Variants in FRMD3 observed in about 807,000 individuals in gnomAD.
The protein encoded by FRMD3 is FERM domain-containing protein 3.
A neutral mutation model predicts 70.2 loss-of-function variants in FRMD3; 33 were observed. The observed-to-expected ratio is 0.47, with a 90% CI of 0.36 to 0.63. The LOEUF (loss-of-function observed/expected upper bound fraction) is 0.63, where lower values mean the gene tolerates loss of function less well. FRMD3 is among the 20% of genes least tolerant of loss of function. FRMD3 has a pLI of 0.00. For synonymous variants in FRMD3, 279 were observed against 255.9 expected, an observed-to-expected ratio of 1.09 and a Z score of -0.86; for missense variants, 632 against 711.4, an observed-to-expected ratio of 0.89 and a Z score of 1.27.
At chr9:83,553,508 A>T in the FRMD3 span, among the ~76,000 whole-genome samples, 1 of 152,212 alleles carries the variant, frequency 6.6e-6, no homozygotes, top group African/African-American at 2.4e-5. Context: ...TATGATTCAT[A>T]AATTTGGCCT....
intron 6 of FRMD3, among the ~76,000 whole-genome samples, chr9:83,331,621 C>T (rs560260992): frequency 6.6e-5 from 10 of 152,066 alleles, no homozygotes; most frequent in Admixed American, 5.2e-4. Flanking sequence ...GTAGGCTCAT[C>T]GGTTGTAATA....
intron 1 of FRMD3, among the ~76,000 whole-genome samples, chr9:83,519,990 T>C (rs141446658): frequency 0.013 from 1,930 of 152,018 alleles, 38 homozygotes; most frequent in African/African-American, 0.045. Context: ...CTGGGGCCTG[T>C]TGGGGGATGG....
chr9:83,405,062 G>A (rs543401884), intron 1 of FRMD3, among the ~76,000 whole-genome samples: 5 of 152,294 alleles, frequency 3.3e-5, no homozygotes, highest in Admixed American at 6.5e-5. Context: ...AGGAAGAGAC[G>A]ATGGGCTGAG....
intron 3 of FRMD3, among the ~76,000 whole-genome samples, chr9:83,371,675 C>A (rs1824978241): frequency 6.6e-6 from 1 of 152,190 alleles, no homozygotes; most frequent in Non-Finnish European, 1.5e-5. Flanking sequence ...TCTGCTCCAG[C>A]CCCACCCCAA....
At chr9:83,545,831 A>G in the FRMD3 span, among the ~76,000 whole-genome samples, 4 of 152,208 alleles carry the variant, frequency 2.6e-5, no homozygotes, top group African/African-American at 9.7e-5. Flanking sequence ...AGATTTACAC[A>G]TCCAGATACA....
intron 4 of FRMD3, among the ~76,000 whole-genome samples, 176 bp downstream of exon 4, chr9:83,349,503 T>TA (rs1034774547): frequency 3.9e-5 from 6 of 152,250 alleles, no homozygotes; most frequent in African/African-American, 1.4e-4. Context: ...ATTGTTTTTT[T>TA]AAAAAATCCC....
chr9:83,469,276 G>C (rs1343135356), intron 1 of FRMD3, among the ~76,000 whole-genome samples: 1 of 152,132 alleles, frequency 6.6e-6, no homozygotes, highest in Non-Finnish European at 1.5e-5. Flanking sequence ...CGCTGCTGAG[G>C]GTCTGCTATT....
chr9:83,243,321 A>C, downstream of FRMD3: 5 of 1,140,064 alleles, frequency 4.4e-6, no homozygotes, highest in Non-Finnish European at 6.4e-6. Context: ...CACCCTGTAG[A>C]GAGTGGCCCA....
intron 1 of FRMD3, chr9:83,467,602 G>A: frequency 6.9e-7 from 1 of 1,458,100 alleles, no homozygotes; most frequent in South Asian, 1.2e-5. Flanking sequence ...TTACATTTTA[G>A]CTGACTGACA....
chr9:83,338,429 T>G (rs1823649441), intron 5 of FRMD3, among the ~76,000 whole-genome samples: 1 of 152,220 alleles, frequency 6.6e-6, no homozygotes, highest in African/African-American at 2.4e-5. Context: ...GTTTTTTTTA[T>G]GACAGCATTA....
At chr9:83,477,260 C>T (rs532690633) in intron 1 of FRMD3, among the ~76,000 whole-genome samples, 1 of 152,278 alleles carries the variant, frequency 6.6e-6, no homozygotes, top group South Asian at 2.1e-4. Context: ...AAAGCCTTCC[C>T]CTGAATGAGT....
intron 4 of FRMD3, among the ~76,000 whole-genome samples, 199 bp downstream of exon 4, chr9:83,349,480 A>G (rs1824072740): frequency 6.6e-6 from 1 of 151,966 alleles, no homozygotes; most frequent in East Asian, 1.9e-4. Flanking sequence ...AGTTAATTAC[A>G]CTCTCAATGA....
intron 3 of FRMD3, among the ~76,000 whole-genome samples, chr9:83,369,937 C>T (rs1473729456): frequency 6.6e-6 from 1 of 152,128 alleles, no homozygotes; most frequent in Non-Finnish European, 1.5e-5. Context: ...TGAGAAAACA[C>T]AAACATGATT....
At chr9:83,311,720 G>A (rs1017952482) in intron 8 of FRMD3, among the ~76,000 whole-genome samples, 167 bp downstream of exon 8, 4 of 151,930 alleles carry the variant, frequency 2.6e-5, no homozygotes, top group African/African-American at 9.7e-5. Flanking sequence ...GCAAATCCAA[G>A]TCCCCACCAA....
chr9:83,393,779 T>G (rs1246764632), intron 1 of FRMD3, among the ~76,000 whole-genome samples: 2 of 152,184 alleles, frequency 1.3e-5, no homozygotes, highest in Admixed American at 1.3e-4. Flanking sequence ...GGGGAGCAGC[T>G]GTAAATACAG....
At chr9:83,548,404 G>A in the FRMD3 span, among the ~76,000 whole-genome samples, 1 of 152,136 alleles carries the variant, frequency 6.6e-6, no homozygotes, top group African/African-American at 2.4e-5. Context: ...TAAAAGAAAT[G>A]AGCTATCAAG....
chr9:83,340,819 C>T (rs1823730295), intron 5 of FRMD3, among the ~76,000 whole-genome samples: 1 of 152,172 alleles, frequency 6.6e-6, no homozygotes. Context: ...TAGTATCAAA[C>T]TCCTGGCCTC....
chr9:83,453,512 A>G (rs1182049583), intron 1 of FRMD3, among the ~76,000 whole-genome samples: 1 of 152,196 alleles, frequency 6.6e-6, no homozygotes, highest in African/African-American at 2.4e-5. Context: ...TAAAATCTAG[A>G]TACAGATAAA....
intron 3 of FRMD3, among the ~76,000 whole-genome samples, chr9:83,355,983 C>A (rs1824322982): frequency 6.6e-6 from 1 of 152,192 alleles, no homozygotes; most frequent in Non-Finnish European, 1.5e-5. Flanking sequence ...CTCGGGGCAG[C>A]TCAGTGGCCC....
Sources: allele counts gnomAD v4.1 joint callset (sites outside exome capture counted in the v4.1 genomes callset), GRCh38; gene constraint gnomAD v4.1.1; transcripts MANE v1.5; gene names NCBI Gene and HGNC (gene_info 2026-07-23, HGNC 2026-07-21).